Variants in CSNK2A2IP observed in about 807,000 individuals in gnomAD.
The protein encoded by CSNK2A2IP is casein kinase 2 subunit alpha' interacting protein.
the CSNK2A2IP span, among the ~76,000 whole-genome samples, chr3:88,413,550 A>G: frequency 6.6e-6 from 1 of 151,930 alleles, no homozygotes; most frequent in African/African-American, 2.4e-5. Context: ...TTTAGGAGTG[A>G]CATATACTTT....
the CSNK2A2IP span, among the ~76,000 whole-genome samples, chr3:88,371,356 A>G: frequency 6.6e-6 from 1 of 151,834 alleles, no homozygotes; most frequent in Non-Finnish European, 1.5e-5. Context: ...AGAGAAATGA[A>G]AACTAAAACT....
At chr3:88,456,657 C>CTTTT in the CSNK2A2IP span, among the ~76,000 whole-genome samples, 1 of 140,102 alleles carries the variant, frequency 7.1e-6, no homozygotes, top group African/African-American at 2.7e-5. Flanking sequence ...TCTTCCTTTC[C>CTTTT]TTTTTTTTTT....
At chr3:88,428,522 C>A in the CSNK2A2IP span, among the ~76,000 whole-genome samples, 1 of 152,080 alleles carries the variant, frequency 6.6e-6, no homozygotes, top group Non-Finnish European at 1.5e-5. Flanking sequence ...CCCATAATCC[C>A]CACATGTTGC....
At chr3:88,465,302 A>T in the CSNK2A2IP span, 2 of 1,057,972 alleles carry the variant, frequency 1.9e-6, no homozygotes, top group Non-Finnish European at 2.4e-6. Flanking sequence ...ACTAACAGTT[A>T]CTAAATCATC....
At chr3:88,467,122 C>A in the CSNK2A2IP span, 2 of 437,758 alleles carry the variant, frequency 4.6e-6, no homozygotes, top group Non-Finnish European at 7.6e-6. Context: ...TATAGGCCAA[C>A]AGCCCCAGGC....
At chr3:88,338,705 A>G in the CSNK2A2IP span, 1 of 152,070 alleles carries the variant, frequency 6.6e-6, no homozygotes, top group African/African-American at 2.4e-5. Flanking sequence ...TCTGTGTTGT[A>G]TAAGCTTATG....
the CSNK2A2IP span, among the ~76,000 whole-genome samples, chr3:88,366,447 G>T: frequency 6.6e-6 from 1 of 152,100 alleles, no homozygotes; most frequent in Non-Finnish European, 1.5e-5. Context: ...TTTTCTAAAA[G>T]AGATTTGAAA....
chr3:88,405,175 G>A, the CSNK2A2IP span, among the ~76,000 whole-genome samples: 2 of 151,950 alleles, frequency 1.3e-5, no homozygotes, highest in Admixed American at 6.6e-5. Context: ...TCTCTTTCCC[G>A]CAATGCAAAA....
chr3:88,386,106 A>C, the CSNK2A2IP span, among the ~76,000 whole-genome samples: 1 of 151,644 alleles, frequency 6.6e-6, no homozygotes, highest in Admixed American at 6.6e-5. Context: ...AGTAATACTC[A>C]ATTTCTTTTC....
At chr3:88,394,997 T>C in the CSNK2A2IP span, among the ~76,000 whole-genome samples, 2 of 152,210 alleles carry the variant, frequency 1.3e-5, no homozygotes, top group Non-Finnish European at 2.9e-5. Context: ...TTTACCTATA[T>C]AGTAAACCTT....
At chr3:88,435,136 C>T in the CSNK2A2IP span, among the ~76,000 whole-genome samples, 1 of 152,112 alleles carries the variant, frequency 6.6e-6, no homozygotes, top group African/African-American at 2.4e-5. Context: ...ACCATTCCAT[C>T]CCATTTCCTA....
the CSNK2A2IP span, among the ~76,000 whole-genome samples, chr3:88,359,529 G>A: frequency 6.6e-6 from 1 of 151,712 alleles, no homozygotes; most frequent in Admixed American, 6.6e-5. Flanking sequence ...TGTCAGTACT[G>A]CTTTGGCTGT....
the CSNK2A2IP span, among the ~76,000 whole-genome samples, chr3:88,365,187 A>G: frequency 6.6e-6 from 1 of 152,196 alleles, no homozygotes; most frequent in African/African-American, 2.4e-5. Flanking sequence ...TGGAAGGATT[A>G]GAGGATATGG....
the CSNK2A2IP span, among the ~76,000 whole-genome samples, chr3:88,432,807 A>G: frequency 6.6e-6 from 1 of 150,752 alleles, no homozygotes; most frequent in Admixed American, 6.6e-5. Context: ...TTGCTTTATA[A>G]TATTATAATA....
chr3:88,393,668 G>A, the CSNK2A2IP span, among the ~76,000 whole-genome samples: 6 of 152,170 alleles, frequency 3.9e-5, no homozygotes, highest in African/African-American at 1.4e-4. Context: ...TCTGAAGCAA[G>A]TTTTATGTGA....
At chr3:88,454,873 C>T in the CSNK2A2IP span, among the ~76,000 whole-genome samples, 1 of 151,828 alleles carries the variant, frequency 6.6e-6, no homozygotes, top group Admixed American at 6.6e-5. Flanking sequence ...TACCCTATGA[C>T]CAATATCTCC....
the CSNK2A2IP span, among the ~76,000 whole-genome samples, chr3:88,426,896 G>T: frequency 6.6e-6 from 1 of 151,584 alleles, no homozygotes; most frequent in Admixed American, 6.6e-5. Flanking sequence ...GGATGGGGGG[G>T]GGCGGTGGGG....
the CSNK2A2IP span, among the ~76,000 whole-genome samples, chr3:88,438,440 T>C: frequency 6.6e-6 from 1 of 152,130 alleles, no homozygotes; most frequent in East Asian, 1.9e-4. Flanking sequence ...TTTTATGGCA[T>C]AGAGCCAGCC....
chr3:88,366,936 G>A, the CSNK2A2IP span, among the ~76,000 whole-genome samples: 1 of 152,198 alleles, frequency 6.6e-6, no homozygotes, highest in East Asian at 1.9e-4. Flanking sequence ...CCAAGTGAAA[G>A]GGGAAGCCAC....
Sources: allele counts gnomAD v4.1 joint callset (sites outside exome capture counted in the v4.1 genomes callset), GRCh38; gene constraint gnomAD v4.1.1; transcripts MANE v1.5; gene names NCBI Gene and HGNC (gene_info 2026-07-23, HGNC 2026-07-21).